Variants in FRAS1 observed in about 807,000 individuals in gnomAD.
FRAS1 encodes Fraser extracellular matrix complex subunit 1.
Under a neutral mutation model 435.2 loss-of-function variants are expected in FRAS1, and 290 were observed. The observed-to-expected ratio is 0.67, with a 90% CI of 0.61 to 0.73. The LOEUF (loss-of-function observed/expected upper bound fraction) is 0.73, where lower values mean the gene tolerates loss of function less well. Among genes scored for constraint, FRAS1 ranks in the 30% least tolerant of loss-of-function variants. The pLI is 0.00. For synonymous variants in FRAS1, 1,800 were observed against 1,851.0 expected (o/e 0.97, Z 0.71); for missense variants, 4,860 against 5,001.5 (o/e 0.97, Z 0.85).
At chr4:78,092,733 C>T (rs947157039) in intron 2 of FRAS1, among the ~76,000 whole-genome samples, 7 of 152,176 alleles carry the variant, frequency 4.6e-5, no homozygotes, top group Non-Finnish European at 1.0e-4. Flanking sequence ...GCTTCAATGA[C>T]CTCACAGGAC....
At chr4:78,421,805 T>A (rs1733797502) in intron 33 of FRAS1, 58 bp from the exon 34 acceptor site, 1 of 1,592,088 alleles carries the variant, frequency 6.3e-7, no homozygotes, top group East Asian at 2.2e-5. Context: ...ATGGCTCTAG[T>A]CATTCAGTCA....
intron 18 of FRAS1, among the ~76,000 whole-genome samples, chr4:78,328,194 G>A (rs981400360): frequency 1.3e-5 from 2 of 152,110 alleles, no homozygotes; most frequent in East Asian, 1.9e-4. Flanking sequence ...TAACCTTTGT[G>A]CACATTGAGT....
chr4:78,204,238 T>A (rs1578183991), intron 2 of FRAS1, among the ~76,000 whole-genome samples: 1 of 152,314 alleles, frequency 6.6e-6, no homozygotes, highest in East Asian at 1.9e-4. Flanking sequence ...CTAAGAGCAG[T>A]GGTTCAATAT....
At chr4:78,100,458 C>T (rs1742065413) in intron 2 of FRAS1, among the ~76,000 whole-genome samples, 1 of 152,244 alleles carries the variant, frequency 6.6e-6, no homozygotes, top group African/African-American at 2.4e-5. Context: ...CCATCTCTCT[C>T]TGGGAAAACA....
At chr4:78,277,776 C>A (rs1326936967) in intron 9 of FRAS1, among the ~76,000 whole-genome samples, 1 of 151,694 alleles carries the variant, frequency 6.6e-6, no homozygotes, top group South Asian at 2.1e-4. Context: ...ATCTACCCTG[C>A]AAACGTGGCA....
At chr4:78,327,510 G>A (rs1729768447) in intron 18 of FRAS1, among the ~76,000 whole-genome samples, 1 of 152,162 alleles carries the variant, frequency 6.6e-6, no homozygotes, top group Non-Finnish European at 1.5e-5. Context: ...AAATTGATAA[G>A]TTTAATTATT....
At chr4:78,153,498 C>A (rs1341845310) in intron 2 of FRAS1, among the ~76,000 whole-genome samples, 2 of 152,090 alleles carry the variant, frequency 1.3e-5, no homozygotes, top group African/African-American at 4.8e-5. Context: ...GTCGAAGCAC[C>A]CTGTGAAATG....
chr4:78,121,756 G>A (rs1719036602), intron 2 of FRAS1, among the ~76,000 whole-genome samples: 1 of 152,194 alleles, frequency 6.6e-6, no homozygotes, highest in African/African-American at 2.4e-5. Flanking sequence ...CCTATTTAAA[G>A]CAGTGCAGAA....
chr4:78,206,733 T>A (rs917148633), intron 2 of FRAS1, among the ~76,000 whole-genome samples: 1 of 152,202 alleles, frequency 6.6e-6, no homozygotes, highest in Non-Finnish European at 1.5e-5. Flanking sequence ...AATTGTGGCA[T>A]TCAGGGGGGC....
chr4:78,473,352 G>C (rs1327884695), intron 52 of FRAS1, 86 bp from the exon 53 acceptor site: 39 of 1,087,812 alleles, frequency 3.6e-5, no homozygotes, highest in East Asian at 1.2e-4. Flanking sequence ...TACATTAGAA[G>C]AATAAACTAG....
chr4:78,388,375 A>C (rs1732311117), intron 29 of FRAS1, among the ~76,000 whole-genome samples: 1 of 152,016 alleles, frequency 6.6e-6, no homozygotes, highest in African/African-American at 2.4e-5. Flanking sequence ...TCAAATGTGA[A>C]GTTCATAGTC....
chr4:78,312,179 C>CATATATATGTATATATATATAT (rs1553942978), intron 15 of FRAS1, among the ~76,000 whole-genome samples: 1 of 128,620 alleles, frequency 7.8e-6, no homozygotes, highest in African/African-American at 2.8e-5. Flanking sequence ...ATCTGAAGTC[C>CATATATATGTATATATATATAT]ATATATATAT....
chr4:78,534,501 T>C lies in FRAS1; in HGVS notation c.10978T>C (p.Tyr3660His). ...GACCAACCGCCCTGTGCCAGTTGTG[T>C]ATTCACTTAACACTGAATTTCAGCT... ...QQTNRPVPVVYSLNTEFQLCN... is the reference protein window; with the variant it reads ...QQTNRPVPVVHSLNTEFQLCN... Residue 3660 changes from tyrosine to histidine, a missense_variant, in exon 71 of 74, where the codon TAT (tyrosine) becomes CAT (histidine). Tyr to His is a moderately conservative substitution (Grantham distance 83). Transcript: ENST00000512123. 6.2e-7 allele frequency: 1 copy of C among 1,613,796 alleles called. No individual in the cohort carries two copies. The highest frequency in any genetic ancestry group is 8.5e-7 in the Non-Finnish European group (1 of 1,179,696).
intron 26 of FRAS1, 118 bp from the exon 27 acceptor site, chr4:78,379,608 G>A (rs1731927867): frequency 1.1e-6 from 1 of 942,986 alleles, no homozygotes; most frequent in Non-Finnish European, 1.6e-6. Context: ...TTCTTATTTT[G>A]TGTTTATTCT....
At chr4:78,312,366 C>T (rs1442213278) in intron 15 of FRAS1, among the ~76,000 whole-genome samples, 2 of 151,626 alleles carry the variant, frequency 1.3e-5, no homozygotes, top group Non-Finnish European at 2.9e-5. Flanking sequence ...TCTAAATTTC[C>T]ATAGTCTAAA....
chr4:78,481,726 G>A, intron 56 of FRAS1, 78 bp from the exon 57 acceptor site: 5 of 1,502,674 alleles, frequency 3.3e-6, no homozygotes, highest in Non-Finnish European at 4.6e-6. Flanking sequence ...TTGCAGTGAG[G>A]GAGAACATCA....
chr4:78,336,879 C>CCTG (rs1208586532), intron 19 of FRAS1, among the ~76,000 whole-genome samples: 8 of 152,198 alleles, frequency 5.3e-5, no homozygotes, highest in African/African-American at 1.9e-4. Flanking sequence ...TGTGCTTGCT[C>CCTG]CTGCTGCTCC....
intron 6 of FRAS1, among the ~76,000 whole-genome samples, chr4:78,259,406 G>A (rs1186937921): frequency 6.8e-6 from 1 of 146,758 alleles, no homozygotes; most frequent in Non-Finnish European, 1.5e-5. Context: ...ATTCTGACTG[G>A]TGTGAGATGG....
At chr4:78,178,253 T>C (rs190810338) in intron 2 of FRAS1, among the ~76,000 whole-genome samples, 1 of 152,192 alleles carries the variant, frequency 6.6e-6, no homozygotes, top group Non-Finnish European at 1.5e-5. Flanking sequence ...ATGATTGGCA[T>C]TTTTATCGAA....
Sources: gnomAD v4.1 joint callset for allele counts (sites outside exome capture counted in the v4.1 genomes callset) on GRCh38, gnomAD v4.1.1 for gene constraint, MANE v1.5 for transcripts, NCBI Gene and HGNC (gene_info 2026-07-23, HGNC 2026-07-21) for gene names.